The following GIPC2 variants were observed in gnomAD, a reference collection of about 807,000 sequenced individuals.
GIPC2 encodes PDZ domain-containing protein GIPC2.
A neutral mutation model predicts 30.6 loss-of-function variants in GIPC2; 30 were observed. The observed-to-expected ratio is 0.98, with a 90% CI of 0.73 to 1.33. The LOEUF is 1.33. GIPC2 is among the 40% of genes most tolerant of loss of function. The pLI is 0.00. For missense variants in GIPC2, 414 were observed against 390.3 expected (o/e 1.06, Z -0.51); for synonymous variants, 167 against 150.0 (o/e 1.11, Z -0.83).
At chr1:78,045,653 C>G, upstream of GIPC2, 1 of 985,472 alleles carries the variant, frequency 1.0e-6, no homozygotes, top group East Asian at 1.1e-4. Context: ...ACTTAAATCC[C>G]TATCCCCGAA....
chr1:78,087,895 G>A (rs1661961463), intron 2 of GIPC2, among the ~76,000 whole-genome samples: 1 of 151,730 alleles, frequency 6.6e-6, no homozygotes, highest in Non-Finnish European at 1.5e-5. Flanking sequence ...GCATCTTTAA[G>A]GAAAGTTACC....
At chr1:78,049,871 A>G (rs1053285341) in intron 1 of GIPC2, among the ~76,000 whole-genome samples, 1 of 150,600 alleles carries the variant, frequency 6.6e-6, no homozygotes, top group African/African-American at 2.4e-5. Flanking sequence ...TTCAAATTCC[A>G]AATACGAACC....
chr1:78,049,495 G>GC (rs1402300470), intron 1 of GIPC2, among the ~76,000 whole-genome samples: 3 of 152,146 alleles, frequency 2.0e-5, no homozygotes, highest in East Asian at 1.9e-4. Flanking sequence ...AAAAACATTT[G>GC]CCCCCCTTAA....
chr1:78,062,297 C>T (rs1661408851), intron 1 of GIPC2, among the ~76,000 whole-genome samples: 1 of 152,120 alleles, frequency 6.6e-6, no homozygotes, highest in South Asian at 2.1e-4. Flanking sequence ...CCACCTGAAG[C>T]TTCTCACATT....
chr1:78,075,017 C>T (rs567287488), intron 1 of GIPC2, among the ~76,000 whole-genome samples: 1 of 152,306 alleles, frequency 6.6e-6, no homozygotes, highest in South Asian at 2.1e-4. Context: ...GAAAATCCAA[C>T]CCAGGATGGC....
intron 3 of GIPC2, among the ~76,000 whole-genome samples, chr1:78,100,466 CA>C (rs912803870): frequency 9.9e-5 from 15 of 152,110 alleles, no homozygotes; most frequent in Non-Finnish European, 1.6e-4. Context: ...GGAGAGACTG[CA>C]AATGATGACC....
At chr1:78,128,532 T>G (rs599293) in intron 5 of GIPC2, among the ~76,000 whole-genome samples, 37,580 of 152,106 alleles carry the variant, frequency 0.25, 5,055 homozygotes, top group East Asian at 0.62. Context: ...ATAAATCAAA[T>G]TTAGAATAGA....
At chr1:78,078,418 A>C (rs190035985) in intron 1 of GIPC2, among the ~76,000 whole-genome samples, 10 of 152,148 alleles carry the variant, frequency 6.6e-5, no homozygotes, top group Admixed American at 2.6e-4. Flanking sequence ...TGCAGTGGCT[A>C]TCACATTCCT....
chr1:78,103,272 T>C (rs1027462502), intron 3 of GIPC2, among the ~76,000 whole-genome samples: 2 of 152,226 alleles, frequency 1.3e-5, no homozygotes, highest in African/African-American at 4.8e-5. Flanking sequence ...GAATGAAATA[T>C]AGTATAGCAG....
chr1:78,119,363 A>G, intron 3 of GIPC2, 30 bp from the exon 4 acceptor site: 1 of 1,184,354 alleles, frequency 8.4e-7, no homozygotes, highest in Non-Finnish European at 1.3e-6. Flanking sequence ...TTCTGTGTAT[A>G]TGTATGTTTC....
chr1:78,081,334 A>T (rs1434509918), intron 2 of GIPC2, among the ~76,000 whole-genome samples: 3 of 152,210 alleles, frequency 2.0e-5, no homozygotes, highest in African/African-American at 7.2e-5. Context: ...ACCACAGATT[A>T]AAGGTAGTTG....
chr1:78,052,591 A>G lies in GIPC2; in HGVS notation c.240+6257A>G, dbSNP rs536141221. Among the ~76,000 whole-genome samples, 13 of 152,288 alleles carry G rather than the reference A, an allele frequency of 8.5e-5. No individual in the cohort carries two copies. In the South Asian group the frequency reaches 1.7e-3, roughly 19 times the overall value. ...AGCCTTTAGGTGGGGGTAGTGAGGAACATCACTCATATCTTTAAAATTTTT... is the reference window on the plus strand; with the variant it reads ...AGCCTTTAGGTGGGGGTAGTGAGGAGCATCACTCATATCTTTAAAATTTTT... On this transcript the variant is annotated intron_variant, in intron 1 of 5. Coordinates refer to ENST00000370759, the MANE Select transcript of GIPC2 (RefSeq NM_017655.6).
intron 1 of GIPC2, among the ~76,000 whole-genome samples, chr1:78,077,232 T>A (rs1661733168): frequency 6.6e-6 from 1 of 152,184 alleles, no homozygotes; most frequent in African/African-American, 2.4e-5. Context: ...ATTTAAAAAA[T>A]GAAAACCATC....
intron 2 of GIPC2, among the ~76,000 whole-genome samples, chr1:78,081,252 C>T (rs1162796862): frequency 6.6e-6 from 1 of 152,018 alleles, no homozygotes; most frequent in Non-Finnish European, 1.5e-5. Flanking sequence ...TTAAAAATGC[C>T]CTTCAAAATT....
At chr1:78,055,551 A>G (rs1661273231) in intron 1 of GIPC2, among the ~76,000 whole-genome samples, 1 of 152,086 alleles carries the variant, frequency 6.6e-6, no homozygotes, top group Non-Finnish European at 1.5e-5. Flanking sequence ...CTCCCTGCTT[A>G]TTCTACTTTT....
At chr1:78,105,312 G>A (rs960459088) in intron 3 of GIPC2, among the ~76,000 whole-genome samples, 2 of 148,332 alleles carry the variant, frequency 1.3e-5, no homozygotes, top group Non-Finnish European at 3.0e-5. Context: ...TTTTGAGATG[G>A]AGTCTCACTG....
At chr1:78,114,034 T>C (rs925185926) in intron 3 of GIPC2, among the ~76,000 whole-genome samples, 1 of 152,120 alleles carries the variant, frequency 6.6e-6, no homozygotes, top group Non-Finnish European at 1.5e-5. Context: ...CACAAAAAGG[T>C]CTGGGAACAA....
rs747979024 is a variant in GIPC2 at position 78,119,488 on chromosome 1, G to A, written c.703G>A (p.Val235Met). The A allele has an allele frequency of 3.4e-5, 54 of 1,598,988 alleles. 2 individuals carry two copies. In the Admixed American group the frequency reaches 4.5e-4, roughly 13 times the overall value. Reference protein sequence around the residue: ...LRLRSKGPATVEEMPSETKAK... With the variant: ...LRLRSKGPATMEEMPSETKAK... ...CCTGAGATCAAAAGGTCCTGCCACC[G>A]TGGAAGAAATGGTATGTTATGTTCA... is the stretch of plus-strand genomic sequence containing the variant. Residue 235 changes from valine (V) to methionine (M), a missense_variant, in exon 4 of 6, where the codon GTG (valine) becomes ATG (methionine). Val to Met is a conservative substitution (Grantham distance 21). Transcript: ENST00000370759.
chr1:78,091,830 G>C (rs631045), intron 2 of GIPC2: 2 of 776,702 alleles, frequency 2.6e-6, no homozygotes, highest in Non-Finnish European at 4.8e-6. Context: ...GATAATAGAA[G>C]GATGTCTCGG....
Sources: gnomAD v4.1 joint callset for allele counts (sites outside exome capture counted in the v4.1 genomes callset) on GRCh38, gnomAD v4.1.1 for gene constraint, MANE v1.5 for transcripts, NCBI Gene and HGNC (gene_info 2026-07-23, HGNC 2026-07-21) for gene names.